SLC8A1: variants seen among roughly 807,000 people sequenced by gnomAD.
SLC8A1 encodes the protein sodium/calcium exchanger 1.
Under a neutral mutation model 68.3 loss-of-function variants are expected in SLC8A1, and 18 were observed. The ratio of observed to expected loss-of-function variants is 0.26; its 90% CI spans 0.18 to 0.39. SLC8A1 has a LOEUF of 0.39. SLC8A1 is among the 10% of genes least tolerant of loss of function. The pLI, the probability that SLC8A1 is intolerant of heterozygous loss-of-function variation, is 1.00. For synonymous variants in SLC8A1, 475 were observed against 415.5 expected, an observed-to-expected ratio of 1.14 and a Z score of -1.74; for missense variants, 985 against 1,156.7, an observed-to-expected ratio of 0.85 and a Z score of 2.15.
At chr2:40,388,043 C>A (rs527670541) in intron 2 of SLC8A1, among the ~76,000 whole-genome samples, 5 of 151,466 alleles carry the variant, frequency 3.3e-5, no homozygotes, top group African/African-American at 1.2e-4. Context: ...AAATTGGCAT[C>A]TCTAAATTGT....
intron 2 of SLC8A1, among the ~76,000 whole-genome samples, chr2:40,304,837 G>A (rs182105355): frequency 6.6e-4 from 101 of 152,242 alleles, no homozygotes; most frequent in African/African-American, 3.4e-4. Context: ...TCATGCGCCC[G>A]CCAGAGATGA....
chr2:40,201,708 T>C (rs979273901), intron 2 of SLC8A1, among the ~76,000 whole-genome samples: 1 of 151,896 alleles, frequency 6.6e-6, no homozygotes, highest in Non-Finnish European at 1.5e-5. Flanking sequence ...TGTATGGTCA[T>C]AGAAACACCT....
At chr2:40,428,834 C>G in exon 2 of SLC8A1, 1 of 1,613,800 alleles carries the variant, frequency 6.2e-7, no homozygotes, top group Non-Finnish European at 8.5e-7. Flanking sequence ...TCAAAGATAT[C>G]ATCATCTATG....
At chr2:40,478,270 C>A (rs538371169) in intron 1 of SLC8A1, among the ~76,000 whole-genome samples, 1 of 152,102 alleles carries the variant, frequency 6.6e-6, no homozygotes, top group Non-Finnish European at 1.5e-5. Flanking sequence ...TCTGAAAAAC[C>A]AAACAAGTTA....
intron 2 of SLC8A1, among the ~76,000 whole-genome samples, chr2:40,325,335 T>C (rs1037779623): frequency 6.6e-6 from 1 of 152,106 alleles, no homozygotes; most frequent in Non-Finnish European, 1.5e-5. Context: ...GCCAGGCCCC[T>C]GAAACCAGGA....
intron 2 of SLC8A1, among the ~76,000 whole-genome samples, chr2:40,328,981 C>G (rs758554531): frequency 5.9e-5 from 9 of 151,956 alleles, no homozygotes; most frequent in Non-Finnish European, 1.3e-4. Flanking sequence ...CCAATCCAGA[C>G]ACATTAATGT....
intron 2 of SLC8A1, among the ~76,000 whole-genome samples, chr2:40,369,867 GA>G (rs1213931174): frequency 3.0e-5 from 3 of 100,412 alleles, no homozygotes; most frequent in Non-Finnish European, 5.7e-5. Flanking sequence ...GTGTAGAAAA[GA>G]AAAAAAACCA....
At chr2:40,225,390 C>T (rs2148865705) in intron 2 of SLC8A1, among the ~76,000 whole-genome samples, 2 of 152,126 alleles carry the variant, frequency 1.3e-5, no homozygotes, top group South Asian at 4.2e-4. Flanking sequence ...CAGTGGGTAC[C>T]CATCTATGTG....
At chr2:40,505,127 T>C (rs1037743515) in intron 1 of SLC8A1, among the ~76,000 whole-genome samples, 1 of 151,994 alleles carries the variant, frequency 6.6e-6, no homozygotes, top group African/African-American at 2.4e-5. Flanking sequence ...TATTTAGTTC[T>C]GATGTTTCTA....
At chr2:40,446,421 G>A (rs996982597) in intron 1 of SLC8A1, 37 of 152,332 alleles carry the variant, frequency 2.4e-4, no homozygotes, top group African/African-American at 8.2e-4. Flanking sequence ...TTACCTTGTC[G>A]TAAATAAGCT....
upstream of SLC8A1, among the ~76,000 whole-genome samples, chr2:40,452,733 T>C (rs1576597382): frequency 6.6e-6 from 1 of 150,930 alleles, no homozygotes. Context: ...CGTTGGCTAC[T>C]AGATGCTGAC....
intron 2 of SLC8A1, among the ~76,000 whole-genome samples, chr2:40,410,107 T>C (rs1199474136): frequency 6.6e-6 from 1 of 152,140 alleles, no homozygotes; most frequent in Non-Finnish European, 1.5e-5. Flanking sequence ...GTTTTAACTT[T>C]TTAATAAATC....
At chr2:40,331,936 C>G (rs1182627242) in intron 2 of SLC8A1, among the ~76,000 whole-genome samples, 1 of 151,994 alleles carries the variant, frequency 6.6e-6, no homozygotes, top group East Asian at 2.0e-4. Context: ...TAATTTTTCT[C>G]TCCATGTATT....
intron 2 of SLC8A1, among the ~76,000 whole-genome samples, chr2:40,367,868 C>G (rs1676776720): frequency 6.6e-6 from 1 of 152,026 alleles, no homozygotes; most frequent in South Asian, 2.1e-4. Flanking sequence ...ACACAACCCC[C>G]CACATCTTGT....
chr2:40,448,684 G>A lies in SLC8A1; in HGVS notation c.-25+3220C>T, dbSNP rs1430440044. Among the ~76,000 whole-genome samples, 3 of 152,182 alleles carry A rather than the reference G, an allele frequency of 2.0e-5. No homozygotes were observed. The East Asian group carries it at 5.8e-4, about 29-fold the overall frequency. ...GGCAGAACGTTTGCCACAAGAGGGAGCAGTAGAATTTGGTCAGATGGGAGA... is the reference window on the plus strand; with the variant it reads ...GGCAGAACGTTTGCCACAAGAGGGAACAGTAGAATTTGGTCAGATGGGAGA... On this transcript the variant is annotated intron_variant, in intron 1 of 7. Transcript: ENST00000406785.
At chr2:40,223,714 A>G (rs2058635914) in intron 2 of SLC8A1, 1 of 152,098 alleles carries the variant, frequency 6.6e-6, no homozygotes, top group Admixed American at 6.6e-5. Context: ...CAATATCACA[A>G]TACTAGATGC....
chr2:40,392,438 G>GT (rs1685611629), intron 2 of SLC8A1, among the ~76,000 whole-genome samples: 2 of 152,042 alleles, frequency 1.3e-5, no homozygotes, highest in South Asian at 4.1e-4. Context: ...ATCTTGGGAA[G>GT]TTTAGGAAAC....
intron 2 of SLC8A1, among the ~76,000 whole-genome samples, chr2:40,269,930 T>A (rs1400349600): frequency 1.3e-5 from 2 of 152,186 alleles, no homozygotes; most frequent in Non-Finnish European, 2.9e-5. Context: ...GCATATGGCA[T>A]GCAGGGTGAA....
intron 2 of SLC8A1, among the ~76,000 whole-genome samples, chr2:40,346,666 CAG>C (rs1575583165): frequency 6.6e-6 from 1 of 152,056 alleles, no homozygotes; most frequent in African/African-American, 2.4e-5. Context: ...CACAGGAAGG[CAG>C]AGAGGGGAAA....
Sources: allele counts gnomAD v4.1 joint callset (sites outside exome capture counted in the v4.1 genomes callset), GRCh38; gene constraint gnomAD v4.1.1; transcripts MANE v1.5; gene names NCBI Gene and HGNC (gene_info 2026-07-23, HGNC 2026-07-21).